Variants in CPAMD8 observed in about 807,000 individuals in gnomAD.
The protein encoded by CPAMD8 is C3 and PZP-like alpha-2-macroglobulin domain-containing protein 8.
In CPAMD8, 146 loss-of-function variants were observed where a neutral mutation model predicts 224.7. The ratio of observed to expected loss-of-function variants is 0.65; its 90% CI spans 0.57 to 0.75. The LOEUF is 0.75. Among genes scored for constraint, CPAMD8 ranks in the 30% least tolerant of loss-of-function variants. The probability of loss-of-function intolerance (pLI) is 0.00; values close to 1 mark genes in which losing one functional copy is unlikely to be tolerated. For missense variants in CPAMD8, 2,301 were observed against 2,537.5 expected, an observed-to-expected ratio of 0.91 and a Z score of 2.00; for synonymous variants, 966 against 1,044.6, an observed-to-expected ratio of 0.92 and a Z score of 1.45.
intron 26 of CPAMD8, among the ~76,000 whole-genome samples, chr19:16,923,574 G>T (rs575598542): frequency 6.6e-6 from 1 of 152,316 alleles, no homozygotes; most frequent in South Asian, 2.1e-4. Context: ...GGAAATAAAA[G>T]ATCTTTACAG....
chr19:16,946,377 TTGTG>T (rs55948316), intron 21 of CPAMD8, among the ~76,000 whole-genome samples: 2 of 146,726 alleles, frequency 1.4e-5, no homozygotes, highest in East Asian at 2.1e-4. Flanking sequence ...GTGTGTGGAT[TTGTG>T]TGTGTGTATA....
chr19:16,975,335 T>C (rs1228429400), intron 16 of CPAMD8, 77 bp from the exon 17 acceptor site: 2 of 1,176,550 alleles, frequency 1.7e-6, no homozygotes, highest in African/African-American at 3.0e-5. Flanking sequence ...GGGTGTGGCA[T>C]GCTCCCATCC....
intron 13 of CPAMD8, among the ~76,000 whole-genome samples, chr19:16,983,398 C>G (rs988655231): frequency 8.5e-6 from 1 of 117,692 alleles, no homozygotes; most frequent in Non-Finnish European, 1.6e-5. Context: ...GACTCCATCT[C>G]AAAATAAATA....
intron 27 of CPAMD8, among the ~76,000 whole-genome samples, chr19:16,915,947 T>C (rs1244708942): frequency 6.6e-6 from 1 of 151,216 alleles, no homozygotes; most frequent in African/African-American, 2.4e-5. Context: ...CTCTTTTCTT[T>C]CCTACTTTTC....
Position 17,008,506 on chromosome 19 carries a change from G to A in CPAMD8, c.558C>T (p.Cys186=), listed in dbSNP as rs753296574. 1.3e-5 allele frequency: 21 copies of A among 1,612,804 alleles called. No individual in the cohort carries two copies. The highest frequency in any genetic ancestry group is 4.5e-5 in the East Asian group (2 of 44,878). ...IEWRHLKPFC[C]GITNMSFPLS... ...CAAGCCGCAGAGGAAGAAACTTACCGCAGCAGAACGGCTTTAAGTGTCTCC... is the reference window on the plus strand; with the variant it reads ...CAAGCCGCAGAGGAAGAAACTTACCACAGCAGAACGGCTTTAAGTGTCTCC... The change falls in exon 7 of 42, where the codon TGC becomes TGT. Residue 186 remains cysteine, a splice_region_variant and synonymous_variant. Coordinates refer to ENST00000443236, the MANE Select transcript of CPAMD8 (RefSeq NM_015692.5).
intron 39 of CPAMD8, 165 bp downstream of exon 39, chr19:16,897,526 C>G (rs1013755867): frequency 2.1e-5 from 12 of 567,562 alleles, no homozygotes; most frequent in Non-Finnish European, 2.5e-5. Context: ...AGCCCCGCCT[C>G]CCCCGTACAG....
chr19:17,008,481 C>G, intron 7 of CPAMD8, 24 bp downstream of exon 7: 1 of 1,612,010 alleles, frequency 6.2e-7, no homozygotes, highest in Non-Finnish European at 8.5e-7. Context: ...CTGCAGCCCC[C>G]AAGCCGCAGA....
In CPAMD8 at chr19:16,957,759, C is replaced by G. The variant is rs985163110; in HGVS notation, c.2276+94G>C. The G allele has an allele frequency of 8.8e-6, 10 of 1,140,592 alleles. No homozygotes were observed. The African/African-American group carries it at 1.4e-4, about 16-fold the overall frequency. The allele number at this position is 1,140,592 out of a possible 1,614,324, so 70.7% of individuals were successfully genotyped here. A position where few individuals can be genotyped will look rare whatever the true frequency, so the allele number is the denominator to read the frequency against. ...CAGTGTCTTGCTCAGATGTTGGTATCAGGCCTGCCCATCTCACCGGAGGCT... is the reference window on the plus strand; with the variant it reads ...CAGTGTCTTGCTCAGATGTTGGTATGAGGCCTGCCCATCTCACCGGAGGCT... On this transcript the variant is annotated intron_variant, in intron 19 of 41. Coordinates refer to ENST00000443236, the MANE Select transcript of CPAMD8 (RefSeq NM_015692.5).
chr19:16,967,942 CAT>C (rs1568540340), intron 18 of CPAMD8, among the ~76,000 whole-genome samples: 1 of 62,936 alleles, frequency 1.6e-5, no homozygotes, highest in African/African-American at 5.3e-5. Flanking sequence ...TATATATATA[CAT>C]GTTGCTCTCA....
At chr19:16,908,970 G>A (rs2052623997) in intron 29 of CPAMD8, among the ~76,000 whole-genome samples, 1 of 152,180 alleles carries the variant, frequency 6.6e-6, no homozygotes, top group South Asian at 2.1e-4. Flanking sequence ...AAGCAGGGAT[G>A]GACCCAGCCC....
At chr19:16,987,802 C>T (rs1298424736) in intron 13 of CPAMD8, among the ~76,000 whole-genome samples, 1 of 151,984 alleles carries the variant, frequency 6.6e-6, no homozygotes, top group African/African-American at 2.4e-5. Flanking sequence ...AGGCATGCAC[C>T]ACCACATCCG....
chr19:16,962,341 AC>A (rs757822399), intron 18 of CPAMD8, among the ~76,000 whole-genome samples: 40 of 152,316 alleles, frequency 2.6e-4, no homozygotes, highest in Non-Finnish European at 5.0e-4. Context: ...ATAGAGAAGA[AC>A]TTAAATGACC....
intron 10 of CPAMD8, 65 bp from the exon 11 acceptor site, chr19:16,997,403 G>T: frequency 1.1e-6 from 1 of 935,806 alleles, no homozygotes; most frequent in Non-Finnish European, 1.7e-6. Flanking sequence ...GGATGTCCCT[G>T]AAACACACAC....
At chr19:16,925,881 G>T (rs1373180006) in intron 25 of CPAMD8, among the ~76,000 whole-genome samples, 2 of 151,976 alleles carry the variant, frequency 1.3e-5, no homozygotes. Flanking sequence ...AGCCTCCTGA[G>T]TAGCTGGGAC....
At chr19:16,997,080 GC>G (rs1386643398) in intron 11 of CPAMD8, 30 bp downstream of exon 11, 1 of 1,417,972 alleles carries the variant, frequency 7.1e-7, no homozygotes, top group African/African-American at 1.4e-5. Flanking sequence ...TGGTCCTTGG[GC>G]GGGAGGCAGC....
At chr19:16,973,450 G>C (rs1280746879) in intron 17 of CPAMD8, among the ~76,000 whole-genome samples, 2 of 152,052 alleles carry the variant, frequency 1.3e-5, no homozygotes, top group African/African-American at 4.8e-5. Flanking sequence ...CCCAGTTCCA[G>C]AGCTTCTCCT....
intron 23 of CPAMD8, among the ~76,000 whole-genome samples, chr19:16,932,010 C>T (rs563415814): frequency 6.6e-6 from 1 of 152,200 alleles, no homozygotes; most frequent in East Asian, 1.9e-4. Flanking sequence ...GTATAGACAT[C>T]ACTGTAAGAA....
At chr19:16,901,339 C>G in intron 35 of CPAMD8, 42 bp from the exon 36 acceptor site, 3 of 1,361,998 alleles carry the variant, frequency 2.2e-6, no homozygotes, top group Non-Finnish European at 3.1e-6. Flanking sequence ...AGAGCTCAAG[C>G]CCAGAGGTGG....
intron 14 of CPAMD8, 64 bp downstream of exon 14, chr19:16,980,433 A>G: frequency 1.3e-6 from 2 of 1,504,928 alleles, no homozygotes; most frequent in African/African-American, 2.8e-5. Context: ...TTGCAGGAGC[A>G]CCCATCTCAG....
Sources: allele counts gnomAD v4.1 joint callset (sites outside exome capture counted in the v4.1 genomes callset), GRCh38; gene constraint gnomAD v4.1.1; transcripts MANE v1.5; gene names NCBI Gene and HGNC (gene_info 2026-07-23, HGNC 2026-07-21).